The following CTNNA2 variants were observed in gnomAD, a reference collection of about 807,000 sequenced individuals.
CTNNA2 encodes catenin alpha 2.
Under a neutral mutation model 101.0 loss-of-function variants are expected in CTNNA2, and 42 were observed. The ratio of observed to expected loss-of-function variants is 0.42; its 90% CI spans 0.32 to 0.54. The LOEUF is 0.54. Among genes scored for constraint, CTNNA2 ranks in the 20% least tolerant of loss-of-function variants. CTNNA2 has a pLI of 0.14. For missense variants in CTNNA2, 871 were observed against 1,223.1 expected, an observed-to-expected ratio of 0.71 and a Z score of 4.29; for synonymous variants, 450 against 456.4, an observed-to-expected ratio of 0.99 and a Z score of 0.18.
intron 9 of CTNNA2, among the ~76,000 whole-genome samples, chr2:80,531,546 A>T (rs1388031379): frequency 1.3e-5 from 2 of 152,200 alleles, no homozygotes; most frequent in African/African-American, 2.4e-5. Flanking sequence ...GTACTGACTC[A>T]GAATTGCTTC....
At chr2:79,982,925 T>C (rs570454489) in intron 7 of CTNNA2, among the ~76,000 whole-genome samples, 1 of 152,212 alleles carries the variant, frequency 6.6e-6, no homozygotes, top group South Asian at 2.1e-4. Context: ...ACAGATTATT[T>C]CATTTATGAG....
At chr2:79,968,795 A>G (rs1690267783) in intron 7 of CTNNA2, among the ~76,000 whole-genome samples, 2 of 151,004 alleles carry the variant, frequency 1.3e-5, no homozygotes, top group African/African-American at 4.9e-5. Context: ...TTATTTAGAG[A>G]GTTGAAGTTC....
At chr2:79,384,428 CT>C (rs1678075298) in intron 4 of CTNNA2, among the ~76,000 whole-genome samples, 1 of 75,304 alleles carries the variant, frequency 1.3e-5, no homozygotes, top group African/African-American at 4.8e-5. Context: ...CTCTCTCTCT[CT>C]CTCTCACTTT....
intron 7 of CTNNA2, among the ~76,000 whole-genome samples, chr2:79,958,280 T>C (rs1474128233): frequency 6.6e-6 from 1 of 152,194 alleles, no homozygotes; most frequent in Non-Finnish European, 1.5e-5. Flanking sequence ...CCCTAATATC[T>C]ATGAATTAGT....
intron 7 of CTNNA2, among the ~76,000 whole-genome samples, chr2:80,048,385 G>C (rs1696663440): frequency 6.6e-6 from 1 of 152,212 alleles, no homozygotes; most frequent in African/African-American, 2.4e-5. Flanking sequence ...AGAAAGGAAA[G>C]TGCATTTAAT....
chr2:79,210,668 C>T (rs1034508098), intron 2 of CTNNA2, among the ~76,000 whole-genome samples: 13 of 152,148 alleles, frequency 8.5e-5, no homozygotes, highest in Non-Finnish European at 1.8e-4. Context: ...TCTGATCTCT[C>T]TTGCAGAGTG....
chr2:79,928,189 G>A (rs1558648755), intron 7 of CTNNA2, among the ~76,000 whole-genome samples: 1 of 152,116 alleles, frequency 6.6e-6, no homozygotes, highest in Admixed American at 6.5e-5. Context: ...GAAGCTCAAG[G>A]ATCTTGTCTA....
intron 7 of CTNNA2, among the ~76,000 whole-genome samples, chr2:80,232,345 GTTTTTTTTTTTTTTTTTTTTTTT>G (rs61454985): frequency 0.017 from 1,069 of 64,778 alleles, 7 homozygotes; most frequent in East Asian, 0.039. Context: ...TTGTTTGTTT[GTTTTTTTTTTTTTTTTTTTTTTT>G]TTTTTTTTTT....
Position 79,635,498 on chromosome 2 carries a change from GTTC to G in CTNNA2, c.-5-16042_-5-16040del, listed in dbSNP as rs560866688. On this transcript the variant is annotated intron_variant, in intron 1 of 18. Coordinates refer to ENST00000402739, the MANE Select transcript of CTNNA2 (RefSeq NM_001282597.3). ...TTCTGACAGGGCTTGATACATGATA[GTTC>G]TTCTTCTTCTTTTTTTTTTGAGATG... Among the ~76,000 whole-genome samples the G allele has an allele frequency of 6.9e-3, 1,047 of 151,840 alleles. 10 individuals are homozygous for G. Among genetic ancestry groups the G allele is most frequent in the African/African-American group, 0.023 (967 of 41,418 alleles).
At chr2:79,826,670 G>A (rs1678461930) in intron 3 of CTNNA2, among the ~76,000 whole-genome samples, 2 of 152,180 alleles carry the variant, frequency 1.3e-5, no homozygotes, top group Non-Finnish European at 2.9e-5. Flanking sequence ...GCTTCTATGA[G>A]AAGTTTATTA....
intron 1 of CTNNA2, among the ~76,000 whole-genome samples, chr2:79,540,164 AAAAGGATCC>A (rs1415439116): frequency 3.9e-5 from 6 of 152,148 alleles, no homozygotes; most frequent in Non-Finnish European, 8.8e-5. Flanking sequence ...GAGTAAGAGA[AAAAGGATCC>A]AAAGGGGGCA....
At position 79,450,295 on chromosome 2, in the gene CTNNA2, T is replaced by C. The variant is rs554501921; in HGVS notation, c.-134-54759T>C. 9.8e-4 allele frequency among the ~76,000 whole-genome samples: 149 copies of C among 152,140 alleles called. 1 individual carries two copies. The highest frequency in any genetic ancestry group is 1.5e-3 in the Non-Finnish European group (100 of 67,940). On this transcript the variant is annotated intron_variant, in intron 4 of 21. Coordinates refer to the CTNNA2 transcript ENST00000466387. ...TGTCAGATTCAACATTAAAGAATCA[T>C]GCTACGGTCCACTGGTATGTGAATC...
In CTNNA2 at chr2:80,326,022, A is replaced by T. The variant is rs113154642; in HGVS notation, c.1057-67189A>T. ...TTCATGCATTTGGTCATGTTACATAAGCAGAAAGAAAATCTGGAAGCAATG... is the reference window on the plus strand; with the variant it reads ...TTCATGCATTTGGTCATGTTACATATGCAGAAAGAAAATCTGGAAGCAATG... On this transcript the variant is annotated intron_variant, in intron 7 of 18. Transcript: ENST00000402739. Among the ~76,000 whole-genome samples, 167 of 152,344 alleles carry T rather than the reference A, an allele frequency of 1.1e-3. 1 individual carries two copies. The highest frequency in any genetic ancestry group is 3.8e-3 in the African/African-American group (157 of 41,578).
Position 79,215,324 on chromosome 2 carries a change from G to A in CTNNA2, c.-406+17248G>A, listed in dbSNP as rs943712793. ...GCCTGGAGGAACGCCTGGCCACTGC[G>A]GTTCAGGCGTTTGGAAGTTCTTGTG... On this transcript the variant is annotated intron_variant, in intron 2 of 21. Coordinates refer to the CTNNA2 transcript ENST00000466387. Among the ~76,000 whole-genome samples the A allele has an allele frequency of 8.5e-5, 13 of 152,266 alleles. No individual in the cohort carries two copies. The South Asian group carries it at 1.2e-3, about 15-fold the overall frequency.
chr2:79,405,533 C>T (rs1469020763), intron 4 of CTNNA2, among the ~76,000 whole-genome samples: 2 of 151,872 alleles, frequency 1.3e-5, no homozygotes, highest in African/African-American at 2.4e-5. Context: ...ATCATGTTGA[C>T]CAGGTGGATC....
intron 8 of CTNNA2, among the ~76,000 whole-genome samples, chr2:80,412,934 A>G (rs867211419): frequency 2.0e-5 from 3 of 152,210 alleles, no homozygotes; most frequent in Non-Finnish European, 2.9e-5. Context: ...ATGGTGTCCA[A>G]CGTCCATTGG....
At chr2:80,154,067 T>G (rs570412398) in intron 7 of CTNNA2, among the ~76,000 whole-genome samples, 1 of 152,186 alleles carries the variant, frequency 6.6e-6, no homozygotes, top group Non-Finnish European at 1.5e-5. Flanking sequence ...ACCTATGTAA[T>G]AGAATTGTAG....
At chr2:80,348,130 T>C (rs1672943278) in intron 7 of CTNNA2, among the ~76,000 whole-genome samples, 1 of 152,166 alleles carries the variant, frequency 6.6e-6, no homozygotes, top group Non-Finnish European at 1.5e-5. Context: ...GAAACAGACT[T>C]TCAATTTGTG....
intron 2 of CTNNA2, among the ~76,000 whole-genome samples, chr2:79,717,288 T>C (rs187181165): frequency 9.2e-5 from 14 of 152,330 alleles, no homozygotes; most frequent in African/African-American, 3.4e-4. Flanking sequence ...AGCTTCCTGA[T>C]TTAGAAAGAT....
Sources: gnomAD v4.1 joint callset for allele counts (sites outside exome capture counted in the v4.1 genomes callset) on GRCh38, gnomAD v4.1.1 for gene constraint, MANE v1.5 for transcripts, NCBI Gene and HGNC (gene_info 2026-07-23, HGNC 2026-07-21) for gene names.